The following SNX29 variants were observed in gnomAD, a reference collection of about 807,000 sequenced individuals.
SNX29 encodes the protein sorting nexin-29.
In SNX29, 78 loss-of-function variants were observed where a neutral mutation model predicts 102.1. The ratio of observed to expected loss-of-function variants is 0.76; its 90% CI spans 0.64 to 0.92. SNX29 has a LOEUF of 0.92. Among genes scored for constraint, SNX29 ranks in the 40% least tolerant of loss-of-function variants. The pLI is 0.00. For missense variants in SNX29, 1,280 were observed against 1,061.7 expected (o/e 1.21, Z -2.86); for synonymous variants, 580 against 414.5 (o/e 1.40, Z -4.85).
At position 12,568,491 on chromosome 16, in the gene SNX29, T is replaced by G; in HGVS notation, c.2319-15T>G. 6.2e-7 allele frequency: 1 copy of G among 1,608,906 alleles called. No homozygotes were observed. The highest frequency in any genetic ancestry group is 8.5e-7 in the Non-Finnish European group (1 of 1,179,786). On this transcript the variant is annotated splice_polypyrimidine_tract_variant and intron_variant, in intron 20 of 20. Coordinates refer to ENST00000566228, the MANE Select transcript of SNX29 (RefSeq NM_032167.5). ...CATCCCCAGACTTAACCCGATTCTC[T>G]CCCTGCTCTTTCAGCGACATCACCC...
chr16:12,569,028 C>T lies in SNX29; in HGVS notation c.*399C>T, dbSNP rs1029087656. The T allele has an allele frequency of 2.8e-4, 68 of 243,578 alleles. No individual in the cohort carries two copies. The highest frequency in any genetic ancestry group is 1.4e-3 in the African/African-American group (65 of 45,440). The allele number at this position is 243,578 out of a possible 1,614,324, so 15.1% of individuals were successfully genotyped here. A position where few individuals can be genotyped will look rare whatever the true frequency, so the allele number is the denominator to read the frequency against. On this transcript the variant is annotated 3_prime_UTR_variant, in exon 21 of 21. Transcript: ENST00000566228. ...AAGGTTCATGCAGAGCCAGCCTCTC[C>T]ACTCTTTCCCACGTGGGGACTAGAA...
At chr16:12,567,892 C>A (rs2079078377) in intron 20 of SNX29, among the ~76,000 whole-genome samples, 1 of 152,216 alleles carries the variant, frequency 6.6e-6, no homozygotes, top group Non-Finnish European at 1.5e-5. Flanking sequence ...CCCACACAAC[C>A]CAGACCCATG....
chr16:12,488,648 T>A (rs1270104646), intron 19 of SNX29, among the ~76,000 whole-genome samples: 1 of 152,206 alleles, frequency 6.6e-6, no homozygotes, highest in African/African-American at 2.4e-5. Context: ...CCTATGTCCC[T>A]TCACTTCCAG....
chr16:12,351,224 G>T (rs1457779177), intron 15 of SNX29, among the ~76,000 whole-genome samples: 4 of 152,196 alleles, frequency 2.6e-5, no homozygotes, highest in Non-Finnish European at 5.9e-5. Flanking sequence ...GCTCCGGAGT[G>T]TGTGAACGCA....
intron 1 of SNX29, among the ~76,000 whole-genome samples, chr16:11,986,073 G>A (rs555120308): frequency 1.2e-3 from 180 of 152,032 alleles, no homozygotes; most frequent in Non-Finnish European, 1.8e-3. Context: ...CCAGCGTGCT[G>A]GGATGACAGG....
chr16:12,366,435 A>G (rs565703527), intron 16 of SNX29, among the ~76,000 whole-genome samples: 2 of 152,322 alleles, frequency 1.3e-5, no homozygotes, highest in Admixed American at 1.3e-4. Flanking sequence ...TTATTGATGT[A>G]CTAGCTAGCA....
chr16:12,405,333 A>T (rs1303659163), intron 18 of SNX29, among the ~76,000 whole-genome samples: 1 of 152,162 alleles, frequency 6.6e-6, no homozygotes, highest in East Asian at 1.9e-4. Flanking sequence ...ACCTTAGCAA[A>T]TATGCCGTTG....
intron 20 of SNX29, among the ~76,000 whole-genome samples, chr16:12,528,729 A>G (rs1480980290): frequency 2.0e-5 from 3 of 152,140 alleles, no homozygotes; most frequent in Non-Finnish European, 4.4e-5. Flanking sequence ...CACTGCTCCC[A>G]CGGCCCCTCC....
chr16:12,147,384 T>C (rs543185495), intron 13 of SNX29, among the ~76,000 whole-genome samples: 3 of 152,238 alleles, frequency 2.0e-5, no homozygotes, highest in Non-Finnish European at 4.4e-5. Context: ...AGAACTCTTA[T>C]GAAAAGGTTA....
At chr16:12,232,314 T>G (rs1340741966) in intron 14 of SNX29, among the ~76,000 whole-genome samples, 3 of 152,084 alleles carry the variant, frequency 2.0e-5, no homozygotes, top group Admixed American at 6.5e-5. Flanking sequence ...ATCACTTGAG[T>G]CCAGGAGTTC....
chr16:12,203,560 CTGAAGT>C (rs1394190496), intron 14 of SNX29, among the ~76,000 whole-genome samples: 1 of 151,510 alleles, frequency 6.6e-6, no homozygotes, highest in Non-Finnish European at 1.5e-5. Context: ...GGTGACGTCT[CTGAAGT>C]TGTGTAGTGT....
intron 14 of SNX29, among the ~76,000 whole-genome samples, chr16:12,205,251 AC>A (rs1327308082): frequency 6.6e-6 from 1 of 152,006 alleles, no homozygotes; most frequent in Non-Finnish European, 1.5e-5. Context: ...TTCCACTCCC[AC>A]TGTGCACAGA....
chr16:12,013,500 A>AAAAAAAATTATATAT, intron 3 of SNX29, among the ~76,000 whole-genome samples: 1 of 31,634 alleles, frequency 3.2e-5, no homozygotes, highest in Non-Finnish European at 6.1e-5. Flanking sequence ...AAAAAAAAAA[A>AAAAAAAATTATATAT]ATATATATAT....
chr16:12,088,669 G>A (rs1288206226), intron 11 of SNX29, among the ~76,000 whole-genome samples: 4 of 152,162 alleles, frequency 2.6e-5, no homozygotes, highest in Middle Eastern at 3.2e-3. Flanking sequence ...ATTTATGGCC[G>A]GGGCAGTGGC....
chr16:12,400,748 T>A (rs1401286478), intron 17 of SNX29, among the ~76,000 whole-genome samples: 1 of 152,206 alleles, frequency 6.6e-6, no homozygotes, highest in African/African-American at 2.4e-5. Context: ...ACATGTGATG[T>A]AAAAAATCAA....
chr16:12,196,552 C>T (rs1380915472), intron 13 of SNX29, among the ~76,000 whole-genome samples: 1 of 151,958 alleles, frequency 6.6e-6, no homozygotes, highest in Non-Finnish European at 1.5e-5. Context: ...AAGGTGCAAA[C>T]ATCTCAAATG....
chr16:12,122,124 T>A (rs1025437346), intron 11 of SNX29, among the ~76,000 whole-genome samples: 1 of 151,944 alleles, frequency 6.6e-6, no homozygotes, highest in Non-Finnish European at 1.5e-5. Flanking sequence ...CCAGGATGGG[T>A]TTATTAAACT....
chr16:12,281,797 G>A (rs1008328597), intron 15 of SNX29, among the ~76,000 whole-genome samples: 7 of 152,228 alleles, frequency 4.6e-5, no homozygotes, highest in Middle Eastern at 6.8e-3. Context: ...GGGGCTGGGC[G>A]TGGTGGCTCA....
intron 13 of SNX29, among the ~76,000 whole-genome samples, chr16:12,162,924 A>G (rs2055851671): frequency 6.6e-6 from 1 of 151,932 alleles, no homozygotes; most frequent in Non-Finnish European, 1.5e-5. Context: ...CTCTGTTGCC[A>G]AAGCTAGAGT....
Sources: gnomAD v4.1 joint callset for allele counts (sites outside exome capture counted in the v4.1 genomes callset) on GRCh38, gnomAD v4.1.1 for gene constraint, MANE v1.5 for transcripts, NCBI Gene and HGNC (gene_info 2026-07-23, HGNC 2026-07-21) for gene names.